Variants in PCDHGA2 observed in about 807,000 individuals in gnomAD.
PCDHGA2 encodes protocadherin gamma-A2.
In PCDHGA2, 40 loss-of-function variants were observed where a neutral mutation model predicts 59.2. The ratio of observed to expected loss-of-function variants is 0.68; its 90% CI spans 0.52 to 0.88. The LOEUF is 0.88. Among genes scored for constraint, PCDHGA2 ranks in the 40% least tolerant of loss-of-function variants. The probability of loss-of-function intolerance (pLI) is 0.00; values close to 1 mark genes in which losing one functional copy is unlikely to be tolerated. For missense variants in PCDHGA2, 1,226 were observed against 1,204.0 expected (o/e 1.02, Z -0.27); for synonymous variants, 560 against 526.0 (o/e 1.06, Z -0.89).
rs202222956 is a variant in PCDHGA2 at position 141,340,836 on chromosome 5, A to G, written c.1865A>G (p.His622Arg). Residue 622 changes from histidine (H) to arginine (R), a missense_variant, in exon 1 of 4, where the codon CAC becomes CGC. Physicochemically the swap from His to Arg is conservative, Grantham distance 29 (BLOSUM62 0). Transcript: ENST00000394576. ...CCGGGACTCTTCTCGGTGGGTCTGCACACGGGCGAGGTGCGCACGGCGCGA... is the reference window on the plus strand; with the variant it reads ...CCGGGACTCTTCTCGGTGGGTCTGCGCACGGGCGAGGTGCGCACGGCGCGA... ...SEPGLFSVGL[H>R]TGEVRTARAL... The G allele has an allele frequency of 3.3e-4, 527 of 1,612,750 alleles. 5 individuals are homozygous for G. The South Asian group carries it at 5.4e-3, about 16-fold the overall frequency.
At chr5:141,405,649 T>C (rs954605890) in intron 1 of PCDHGA2, 14 of 527,576 alleles carry the variant, frequency 2.7e-5, no homozygotes, top group Non-Finnish European at 6.7e-6. Flanking sequence ...TAATTTTTTG[T>C]GTGTTTTTAG....
intron 1 of PCDHGA2, chr5:141,433,097 G>C: frequency 6.2e-7 from 1 of 1,614,162 alleles, no homozygotes; most frequent in Non-Finnish European, 8.5e-7. Context: ...AGACATGCTC[G>C]TCAGCCAGGA....
intron 3 of PCDHGA2, among the ~76,000 whole-genome samples, chr5:141,510,204 C>T (rs1403130911): frequency 1.3e-5 from 2 of 150,304 alleles, no homozygotes; most frequent in Admixed American, 1.3e-4. Flanking sequence ...GCCCAGGAGG[C>T]AGAGGTTGCA....
At chr5:141,364,915 G>T (rs1763616813) in intron 1 of PCDHGA2, 1 of 1,613,946 alleles carries the variant, frequency 6.2e-7, no homozygotes, top group East Asian at 2.2e-5. Flanking sequence ...CGGAGCTGGT[G>T]TTGGAACAGC....
intron 1 of PCDHGA2, chr5:141,385,702 C>A: frequency 3.6e-6 from 1 of 278,020 alleles, no homozygotes; most frequent in Non-Finnish European, 5.7e-6. Context: ...TTCTCTTTAG[C>A]ATTCAAATAT....
chr5:141,372,672 T>A, intron 1 of PCDHGA2: 1 of 1,613,978 alleles, frequency 6.2e-7, no homozygotes. Context: ...TGCCTCACAT[T>A]CCTCAAACAC....
chr5:141,351,777 A>G, intron 1 of PCDHGA2: 1 of 1,613,470 alleles, frequency 6.2e-7, no homozygotes, highest in East Asian at 2.2e-5. Context: ...GTGAGCCCGC[A>G]GAGCGGGGTG....
intron 2 of PCDHGA2, among the ~76,000 whole-genome samples, chr5:141,501,301 ACAC>A (rs1380901086): frequency 6.6e-6 from 1 of 150,882 alleles, no homozygotes; most frequent in African/African-American, 2.4e-5. Context: ...ACACACACAC[ACAC>A]ACACACACAC....
rs565813908 is a variant in PCDHGA2 at position 141,503,968 on chromosome 5, G to A, written c.2484-1425G>A. Among the ~76,000 whole-genome samples, 14 of 152,182 alleles carry A rather than the reference G, an allele frequency of 9.2e-5. No homozygotes were observed. The South Asian group carries it at 2.7e-3, about 29-fold the overall frequency. ...GGCCTACCCTACAGCCTTTCCCATG[G>A]TGCCAAACCCTTCTTCTTACCTTAC... On this transcript the variant is annotated intron_variant, in intron 2 of 3. Transcript: ENST00000394576.
intron 1 of PCDHGA2, among the ~76,000 whole-genome samples, chr5:141,447,898 C>T (rs531933709): frequency 3.1e-3 from 465 of 152,088 alleles, no homozygotes; most frequent in Non-Finnish European, 5.5e-3. Context: ...CCAGCCTGGC[C>T]AACATGGTGA....
chr5:141,477,287 G>T lies in PCDHGA2; in HGVS notation c.2425-17520G>T. ...CGAGAACGGGCTGGTGACCTGCGAA[G>T]TTCCACCGGGTCTCCCTTTCAGCCT... On this transcript the variant is annotated intron_variant, in intron 1 of 3. Coordinates refer to ENST00000394576, the MANE Select transcript of PCDHGA2 (RefSeq NM_018915.4). The surrounding 1 kb of genome is among the most constrained non-coding windows in gnomAD (Gnocchi z 4.9). The T allele has an allele frequency of 6.2e-7, 1 of 1,614,190 alleles. No homozygotes were observed.
chr5:141,378,973 A>G (rs1775276722), intron 1 of PCDHGA2: 1 of 152,222 alleles, frequency 6.6e-6, no homozygotes, highest in South Asian at 2.1e-4. Context: ...TAATTTGATG[A>G]CTTGTTGAAC....
Position 141,375,794 on chromosome 5 carries a change from G to C in PCDHGA2, c.2424+34399G>C, listed in dbSNP as rs754100940. On this transcript the variant is annotated intron_variant, in intron 1 of 3. Transcript: ENST00000394576. Reference sequence around the variant, plus strand: ...CCTGTACCCCGCCCTCCCCACAGACGGTTCCACTGGCGTGGAGCTGGCGCC... The same window carrying C: ...CCTGTACCCCGCCCTCCCCACAGACCGTTCCACTGGCGTGGAGCTGGCGCC... 33 of 1,614,052 alleles carry C rather than the reference G, an allele frequency of 2.0e-5. No individual in the cohort carries two copies. Among genetic ancestry groups the C allele is most frequent in the Non-Finnish European group, 2.4e-5 (28 of 1,180,026 alleles).
Position 141,505,499 on chromosome 5 carries a change from G to T in PCDHGA2, c.2572+18G>T, listed in dbSNP as rs753203943. 4.3e-6 allele frequency: 7 copies of T among 1,614,172 alleles called. No individual in the cohort carries two copies. The South Asian group carries it at 7.7e-5, about 18-fold the overall frequency. ...CGCCAGTGGTAAGTGGTGTCAGTGTGTGTATGGAAGAGTGGGAGACCTGGG... is the reference window on the plus strand; with the variant it reads ...CGCCAGTGGTAAGTGGTGTCAGTGTTTGTATGGAAGAGTGGGAGACCTGGG... On this transcript the variant is annotated intron_variant, in intron 3 of 3. Coordinates refer to ENST00000394576, the MANE Select transcript of PCDHGA2 (RefSeq NM_018915.4).
chr5:141,501,501 T>C (rs2099809553), intron 2 of PCDHGA2, among the ~76,000 whole-genome samples: 1 of 151,938 alleles, frequency 6.6e-6, no homozygotes, highest in Non-Finnish European at 1.5e-5. Context: ...CTGCTGGGGC[T>C]CCAAGGCCTC....
intron 1 of PCDHGA2, among the ~76,000 whole-genome samples, chr5:141,439,459 A>C (rs558086952): frequency 6.6e-6 from 1 of 152,222 alleles, no homozygotes. Flanking sequence ...GCAAGACTGC[A>C]CTGCTGCCTT....
rs750401937 is a variant in PCDHGA2 at position 141,487,357 on chromosome 5, T to G, written c.2425-7450T>G. 5.0e-6 allele frequency: 8 copies of G among 1,614,212 alleles called. No homozygotes were observed. The highest frequency in any genetic ancestry group is 6.8e-6 in the Non-Finnish European group (8 of 1,180,032). ...CCTGTGGAGTCACATGCTTTCCTGC[T>G]GGCACCTGTGCCTGTCTCACCAGAT... On this transcript the variant is annotated intron_variant, in intron 1 of 3. Transcript: ENST00000394576. This position sits in a 1 kb window ranked among gnomAD's most constrained non-coding sequence, Gnocchi z 5.0.
At chr5:141,427,969 A>G (rs1239461810) in intron 1 of PCDHGA2, 1 of 1,591,942 alleles carries the variant, frequency 6.3e-7, no homozygotes, top group Admixed American at 1.7e-5. Context: ...CGGGTGCTGT[A>G]CCCCGCGCTG....
chr5:141,450,823 A>AT (rs1453980247), intron 1 of PCDHGA2, among the ~76,000 whole-genome samples: 4 of 133,078 alleles, frequency 3.0e-5, no homozygotes, highest in African/African-American at 1.2e-4. Context: ...TAATATTATT[A>AT]TTATTATTTT....
Sources: allele counts gnomAD v4.1 joint callset (sites outside exome capture counted in the v4.1 genomes callset), GRCh38; gene constraint gnomAD v4.1.1; non-coding constraint Gnocchi (gnomAD v3.1); transcripts MANE v1.5; gene names NCBI Gene and HGNC (gene_info 2026-07-23, HGNC 2026-07-21).